CDH4: variants seen among roughly 807,000 people sequenced by gnomAD.
The protein encoded by CDH4 is cadherin 4.
A neutral mutation model predicts 86.0 loss-of-function variants in CDH4; 33 were observed. The observed-to-expected ratio is 0.38, with a 90% confidence interval of 0.29 to 0.51. The LOEUF is 0.51. Among genes scored for constraint, CDH4 ranks in the 20% least tolerant of loss-of-function variants. CDH4 has a pLI of 0.86. For synonymous variants in CDH4, 555 were observed against 549.4 expected (o/e 1.01, Z -0.14); for missense variants, 1,114 against 1,307.4 (o/e 0.85, Z 2.28).
chr20:61,733,600 C>T (rs1051495984), intron 2 of CDH4, among the ~76,000 whole-genome samples: 3 of 151,432 alleles, frequency 2.0e-5, no homozygotes, highest in African/African-American at 7.3e-5. Flanking sequence ...TGCCCAGCAC[C>T]CAGGACGGTA....
chr20:61,742,460 G>A (rs1304470391), intron 2 of CDH4, among the ~76,000 whole-genome samples: 1 of 152,168 alleles, frequency 6.6e-6, no homozygotes, highest in South Asian at 2.1e-4. Context: ...AATGCGAGGG[G>A]AAAACACTTT....
At chr20:61,346,884 T>A (rs898696102) in intron 2 of CDH4, among the ~76,000 whole-genome samples, 5 of 152,040 alleles carry the variant, frequency 3.3e-5, no homozygotes, top group Non-Finnish European at 5.9e-5. Context: ...TCATATTGAC[T>A]CCACGTACGG....
intron 9 of CDH4, among the ~76,000 whole-genome samples, chr20:61,920,133 G>A (rs2054958182): frequency 1.8e-5 from 1 of 55,178 alleles, no homozygotes; most frequent in African/African-American, 6.7e-5. Flanking sequence ...GTGATTGCGT[G>A]GAAGCGTGGT....
At chr20:61,311,945 A>G (rs2084447751) in intron 2 of CDH4, among the ~76,000 whole-genome samples, 1 of 152,250 alleles carries the variant, frequency 6.6e-6, no homozygotes, top group Non-Finnish European at 1.5e-5. Flanking sequence ...CTGTGAGGTC[A>G]TTGTGCGTGC....
intron 2 of CDH4, among the ~76,000 whole-genome samples, chr20:61,525,750 CGGTTCATGTCACA>C (rs1451012795): frequency 6.6e-6 from 1 of 152,182 alleles, no homozygotes; most frequent in Admixed American, 6.5e-5. Flanking sequence ...GGTTTCTTTC[CGGTTCATGTCACA>C]GACCCCTGCG....
intron 2 of CDH4, among the ~76,000 whole-genome samples, chr20:61,394,576 G>C (rs1038426793): frequency 5.9e-5 from 9 of 151,916 alleles, no homozygotes; most frequent in Non-Finnish European, 1.2e-4. Context: ...CTGGGCCGAA[G>C]AGAGCACCAG....
In CDH4 at chr20:61,269,027, A is replaced by G. The variant is rs2084170548; in HGVS notation, c.169+14090A>G. Among the ~76,000 whole-genome samples, 1 of 152,186 alleles carries G rather than the reference A, an allele frequency of 6.6e-6. No individual in the cohort carries two copies. The highest frequency in any genetic ancestry group is 1.5e-5 in the Non-Finnish European group (1 of 68,032). ...TGTTGCGCAGACACCTTGGGTGAGC[A>G]TCAGAACCCCATGGAAAGCCCTGTG... On this transcript the variant is annotated intron_variant, in intron 2 of 15. Transcript: ENST00000614565. This position sits in a 1 kb window ranked among gnomAD's most constrained non-coding sequence, Gnocchi z 5.3.
intron 2 of CDH4, among the ~76,000 whole-genome samples, chr20:61,529,235 C>A (rs2085934896): frequency 6.6e-6 from 1 of 152,146 alleles, no homozygotes; most frequent in Non-Finnish European, 1.5e-5. Flanking sequence ...TAGGTAAGCA[C>A]CATAATTCTT....
chr20:61,608,276 G>A (rs2145755622), intron 2 of CDH4, among the ~76,000 whole-genome samples: 1 of 152,246 alleles, frequency 6.6e-6, no homozygotes, highest in East Asian at 1.9e-4. Context: ...AGGTTGGCAG[G>A]GAAATATCTT....
Position 61,581,193 on chromosome 20 carries a change from T to G in CDH4, c.170-162370T>G, listed in dbSNP as rs1360108587. Among the ~76,000 whole-genome samples the G allele has an allele frequency of 2.0e-5, 3 of 152,162 alleles. No homozygotes were observed. In the East Asian group the frequency reaches 5.8e-4, roughly 29 times the overall value. ...AGGCAGGGGACCAGTGGGATGTACTTGCCAGGGCCTGGCTCCAGGGATCCG... is the reference window on the plus strand; with the variant it reads ...AGGCAGGGGACCAGTGGGATGTACTGGCCAGGGCCTGGCTCCAGGGATCCG... On this transcript the variant is annotated intron_variant, in intron 2 of 15. Transcript: ENST00000614565.
In CDH4 at chr20:61,661,093, G is replaced by GCGGGGC. The variant is rs1555821327; in HGVS notation, c.170-82470_170-82469insCGGGGC. ...TGGACAGGAGGCATGGCGGGGGGGG[G>GCGGGGC]GGAGACACAGTGCCAGGCTCATGCC... On this transcript the variant is annotated intron_variant, in intron 2 of 15. Coordinates refer to ENST00000614565, the MANE Select transcript of CDH4 (RefSeq NM_001794.5). 2.0e-5 allele frequency among the ~76,000 whole-genome samples: 2 copies of GCGGGGC among 102,206 alleles called. 1 individual carries two copies. The highest frequency in any genetic ancestry group is 5.2e-5 in the Non-Finnish European group (2 of 38,492). 67.1% of individuals were successfully genotyped at this position (102,206 alleles called of 152,430 possible). A position where few individuals can be genotyped will look rare whatever the true frequency, so the allele number is the denominator to read the frequency against.
intron 5 of CDH4, among the ~76,000 whole-genome samples, chr20:61,848,914 C>T (rs964127779): frequency 3.3e-5 from 5 of 152,194 alleles, no homozygotes; most frequent in East Asian, 1.9e-4. Context: ...CATCCCACAT[C>T]GCCAGCATCT....
chr20:61,924,312 C>T (rs768144598), intron 10 of CDH4, 22 bp from the exon 11 acceptor site: 5 of 1,607,912 alleles, frequency 3.1e-6, no homozygotes, highest in Non-Finnish European at 4.2e-6. Context: ...CTTACCTCCC[C>T]CTGCACTTGT....
intron 5 of CDH4, among the ~76,000 whole-genome samples, chr20:61,850,288 G>A (rs1239549280): frequency 6.6e-6 from 1 of 152,256 alleles, no homozygotes; most frequent in African/African-American, 2.4e-5. Context: ...GAAAATTGGA[G>A]TTAACGTGTG....
chr20:61,522,273 C>T (rs965992406), intron 2 of CDH4, among the ~76,000 whole-genome samples: 2 of 152,054 alleles, frequency 1.3e-5, no homozygotes, highest in African/African-American at 2.4e-5. Flanking sequence ...GAGGCCGGAT[C>T]GGGAACCCCC....
At chr20:61,441,490 T>C (rs908562905) in intron 2 of CDH4, among the ~76,000 whole-genome samples, 1 of 152,188 alleles carries the variant, frequency 6.6e-6, no homozygotes, top group South Asian at 2.1e-4. Flanking sequence ...TTGATCCTGC[T>C]GTGTTCTGAA....
At chr20:61,722,802 T>C (rs1233067198) in intron 2 of CDH4, among the ~76,000 whole-genome samples, 3 of 152,120 alleles carry the variant, frequency 2.0e-5, no homozygotes, top group Admixed American at 1.3e-4. Context: ...AGCAGAAATT[T>C]TGTGGGGGTC....
At chr20:61,712,618 G>A (rs1026269580) in intron 2 of CDH4, among the ~76,000 whole-genome samples, 1 of 152,188 alleles carries the variant, frequency 6.6e-6, no homozygotes, top group African/African-American at 2.4e-5. Context: ...TAACTGTGGT[G>A]CAAAAAACCA....
chr20:61,873,586 T>C (rs2146148513), intron 6 of CDH4, 142 bp from the exon 7 acceptor site: 1 of 822,104 alleles, frequency 1.2e-6, no homozygotes, highest in East Asian at 2.5e-5. Flanking sequence ...TAACACCACC[T>C]CTGAACACGC....
Sources: allele counts gnomAD v4.1 joint callset (sites outside exome capture counted in the v4.1 genomes callset), GRCh38; gene constraint gnomAD v4.1.1; non-coding constraint Gnocchi (gnomAD v3.1); transcripts MANE v1.5; gene names NCBI Gene and HGNC (gene_info 2026-07-23, HGNC 2026-07-21).